The following SLC60A1 variants were observed in gnomAD, a reference collection of about 807,000 sequenced individuals.
The protein encoded by SLC60A1 is solute carrier family 60 member 1, also known as major facilitator superfamily domain containing 4.
At chr1:205,588,659 G>A in the SLC60A1 span, among the ~76,000 whole-genome samples, 1 of 149,464 alleles carries the variant, frequency 6.7e-6, no homozygotes, top group Non-Finnish European at 1.5e-5. Flanking sequence ...CTGTGTAGAT[G>A]TGAAGTGCCT....
chr1:205,575,570 A>C, the SLC60A1 span, among the ~76,000 whole-genome samples: 4 of 152,192 alleles, frequency 2.6e-5, no homozygotes, highest in Non-Finnish European at 5.9e-5. Context: ...AGGCAAGGCC[A>C]GGTCAAAGTG....
the SLC60A1 span, among the ~76,000 whole-genome samples, chr1:205,578,403 C>A: frequency 6.6e-6 from 1 of 152,226 alleles, no homozygotes; most frequent in Non-Finnish European, 1.5e-5. Context: ...CACTCTCCCT[C>A]CATCTCCTAA....
chr1:205,579,612 C>G, the SLC60A1 span: 2 of 935,628 alleles, frequency 2.1e-6, no homozygotes, highest in Non-Finnish European at 3.3e-6. Flanking sequence ...AATAAGTGAG[C>G]AGCTTCTTCC....
the SLC60A1 span, among the ~76,000 whole-genome samples, chr1:205,584,649 C>T: frequency 6.6e-6 from 1 of 151,904 alleles, no homozygotes; most frequent in African/African-American, 2.4e-5. Flanking sequence ...TCTGCTCAGC[C>T]TTGCCTTTTG....
At chr1:205,596,172 C>T in the SLC60A1 span, among the ~76,000 whole-genome samples, 2 of 152,184 alleles carry the variant, frequency 1.3e-5, no homozygotes, top group African/African-American at 2.4e-5. Flanking sequence ...GTGTTAGCTG[C>T]TGTGCTACTA....
the SLC60A1 span, chr1:205,602,176 G>T: frequency 6.6e-6 from 1 of 152,330 alleles, no homozygotes; most frequent in South Asian, 2.1e-4. Context: ...ATATACAAAT[G>T]TACATGTATA....
chr1:205,569,878 G>A, the SLC60A1 span, among the ~76,000 whole-genome samples: 1 of 152,102 alleles, frequency 6.6e-6, no homozygotes, highest in African/African-American at 2.4e-5. Flanking sequence ...GTAGCCACGG[G>A]GTTTAGTGGG....
chr1:205,593,689 A>G, the SLC60A1 span, among the ~76,000 whole-genome samples: 5 of 151,974 alleles, frequency 3.3e-5, no homozygotes, highest in Non-Finnish European at 7.4e-5. Flanking sequence ...TCAAAATGGA[A>G]TTTTTTTTAT....
At chr1:205,569,231 C>T in the SLC60A1 span, 3 of 1,567,874 alleles carry the variant, frequency 1.9e-6, no homozygotes, top group Non-Finnish European at 2.6e-6. Flanking sequence ...CCCAGATCTC[C>T]TGGGTCTTCT....
At chr1:205,581,790 C>T in the SLC60A1 span, among the ~76,000 whole-genome samples, 5 of 152,184 alleles carry the variant, frequency 3.3e-5, no homozygotes, top group Non-Finnish European at 5.9e-5. This position sits in a 1 kb window ranked among gnomAD's most constrained non-coding sequence, Gnocchi z 4.2. Context: ...GACTCAGGCA[C>T]TAGAGCAGCT....
the SLC60A1 span, among the ~76,000 whole-genome samples, chr1:205,574,433 G>A: frequency 6.6e-6 from 1 of 152,216 alleles, no homozygotes; most frequent in South Asian, 2.1e-4. Context: ...AACAGAGCAA[G>A]ACCCTATCTC....
the SLC60A1 span, chr1:205,597,563 A>T: frequency 3.7e-4 from 156 of 426,488 alleles, 1 homozygote; most frequent in South Asian, 4.9e-4. Flanking sequence ...TAATTTTTTT[A>T]AATTTTACTT....
the SLC60A1 span, chr1:205,601,892 A>ACAT: frequency 6.6e-6 from 1 of 152,200 alleles, no homozygotes; most frequent in Non-Finnish European, 1.5e-5. Context: ...CAAAAATTTT[A>ACAT]CATCTTTTAT....
the SLC60A1 span, among the ~76,000 whole-genome samples, chr1:205,573,069 C>G: frequency 3.9e-5 from 6 of 152,014 alleles, no homozygotes; most frequent in African/African-American, 1.4e-4. Context: ...TCAAAGACAA[C>G]CTGGGCAGCA....
the SLC60A1 span, among the ~76,000 whole-genome samples, chr1:205,596,374 A>C: frequency 6.6e-6 from 1 of 151,872 alleles, no homozygotes; most frequent in Non-Finnish European, 1.5e-5. Context: ...ATGGAAGTCT[A>C]AACTAGGACC....
the SLC60A1 span, among the ~76,000 whole-genome samples, chr1:205,582,655 C>T: frequency 6.6e-6 from 1 of 152,214 alleles, no homozygotes; most frequent in Admixed American, 6.5e-5. Context: ...GGTGGGTTTC[C>T]TGTTTCCCCC....
At chr1:205,592,365 GCT>G in the SLC60A1 span, 78,610 of 1,042,332 alleles carry the variant, frequency 0.075, 753 homozygotes, top group African/African-American at 0.12. Flanking sequence ...GTCTCTCTGT[GCT>G]CTTTTTTTTT....
chr1:205,599,622 C>T, the SLC60A1 span, among the ~76,000 whole-genome samples: 1 of 152,228 alleles, frequency 6.6e-6, no homozygotes, highest in Admixed American at 6.5e-5. Context: ...GGCTGGAACT[C>T]AGCCCAACGG....
At chr1:205,579,637 T>C in the SLC60A1 span, 1 of 1,230,170 alleles carries the variant, frequency 8.1e-7, no homozygotes, top group Non-Finnish European at 1.2e-6. Flanking sequence ...CTCTCTTCCT[T>C]TTCTACCAGA....
Sources: allele counts gnomAD v4.1 joint callset (sites outside exome capture counted in the v4.1 genomes callset), GRCh38; gene constraint gnomAD v4.1.1; non-coding constraint Gnocchi (gnomAD v3.1); transcripts MANE v1.5; gene names NCBI Gene and HGNC (gene_info 2026-07-23, HGNC 2026-07-21).